The following PDE8B variants were observed in gnomAD, a reference collection of about 807,000 sequenced individuals.
The protein encoded by PDE8B is high affinity cAMP-specific and IBMX-insensitive 3',5'-cyclic phosphodiesterase 8B.
In PDE8B, 26 loss-of-function variants were observed where a neutral mutation model predicts 101.3. The observed-to-expected ratio is 0.26, with a 90% CI of 0.19 to 0.36. The LOEUF is 0.36. Ranked by LOEUF, PDE8B falls within the 10% of genes least tolerant of loss-of-function variation. PDE8B has a pLI of 1.00. For missense variants in PDE8B, 810 were observed against 1,163.1 expected (o/e 0.70, Z 4.42); for synonymous variants, 424 against 429.3 (o/e 0.99, Z 0.15).
intron 14 of PDE8B, chr5:77,410,486 A>G (rs1239908009): frequency 6.6e-6 from 1 of 152,170 alleles, no homozygotes; most frequent in Non-Finnish European, 1.5e-5. Flanking sequence ...CTAGTCCTCA[A>G]TTTGGCCCCA....
chr5:77,421,486 C>A (rs565504780), intron 19 of PDE8B, among the ~76,000 whole-genome samples: 1 of 152,126 alleles, frequency 6.6e-6, no homozygotes, highest in African/African-American at 2.4e-5. Context: ...GATTACATAT[C>A]AAATTGCTCA....
intron 3 of PDE8B, 149 bp downstream of exon 3, chr5:77,325,878 C>G: frequency 1.5e-6 from 1 of 657,304 alleles, no homozygotes; most frequent in Non-Finnish European, 2.7e-6. Context: ...GTGGTGAAAG[C>G]TATAGCTCCT....
chr5:77,212,511 G>A (rs1748687700), intron 1 of PDE8B, among the ~76,000 whole-genome samples: 2 of 152,058 alleles, frequency 1.3e-5, no homozygotes, highest in African/African-American at 2.4e-5. Context: ...GCTTGTGGTT[G>A]CAGTGTTTCT....
chr5:77,201,839 A>G, the PDE8B span, among the ~76,000 whole-genome samples: 6 of 152,260 alleles, frequency 3.9e-5, no homozygotes, highest in African/African-American at 1.4e-4. Context: ...AGACTAGGTG[A>G]CTTAAACAAC....
At chr5:77,330,657 A>C (rs1402052498) in intron 4 of PDE8B, among the ~76,000 whole-genome samples, 2 of 152,088 alleles carry the variant, frequency 1.3e-5, no homozygotes, top group Admixed American at 1.3e-4. Flanking sequence ...GTTTCCACCC[A>C]ATCCCTTTTA....
chr5:77,141,777 A>G, the PDE8B span: 2 of 152,236 alleles, frequency 1.3e-5, no homozygotes, highest in South Asian at 2.1e-4. Context: ...AATATTGCTT[A>G]TAATTATGAA....
intron 10 of PDE8B, among the ~76,000 whole-genome samples, chr5:77,359,024 G>A (rs575309128): frequency 6.6e-6 from 1 of 151,964 alleles, no homozygotes; most frequent in South Asian, 2.1e-4. Context: ...TTTTTCCTGA[G>A]AAACCACGTT....
rs950181419 is a variant in PDE8B, at chr5:77,329,149, T to G, written c.650+92T>G. On this transcript the variant is annotated intron_variant, in intron 4 of 21. Transcript: ENST00000264917. ...TCTGGTTTTTGAGCTATCTAAGCAATGGGTGTGTCTTGGGTCCTAGAACAC... is the reference window on the plus strand; with the variant it reads ...TCTGGTTTTTGAGCTATCTAAGCAAGGGGTGTGTCTTGGGTCCTAGAACAC... 3.7e-5 allele frequency: 36 copies of G among 966,448 alleles called. No homozygotes were observed. In the African/African-American group the frequency reaches 5.4e-4, roughly 15 times the overall value. The allele number at this position is 966,448 out of a possible 1,614,324, so 59.9% of individuals were successfully genotyped here. A position where few individuals can be genotyped will look rare whatever the true frequency, so the allele number is the denominator to read the frequency against.
chr5:77,098,078 A>C, the PDE8B span, among the ~76,000 whole-genome samples: 1 of 152,120 alleles, frequency 6.6e-6, no homozygotes, highest in Non-Finnish European at 1.5e-5. Context: ...GGCCGACTGC[A>C]GGAAGCAGGT....
intron 16 of PDE8B, 143 bp from the exon 17 acceptor site, chr5:77,412,968 T>A (rs1023661674): frequency 2.7e-6 from 2 of 742,980 alleles, no homozygotes; most frequent in East Asian, 5.1e-5. Context: ...TACCTCCTAA[T>A]TTTTAGAGGA....
the PDE8B span, among the ~76,000 whole-genome samples, chr5:77,136,670 G>A: frequency 1.3e-5 from 2 of 152,152 alleles, no homozygotes; most frequent in Admixed American, 6.6e-5. Flanking sequence ...ATATCTGTTA[G>A]AATTCTCTCT....
Position 77,375,035 on chromosome 5 carries a change from A to G in PDE8B, c.1167+21629A>G, listed in dbSNP as rs540381774. Among the ~76,000 whole-genome samples the G allele has an allele frequency of 1.8e-4, 28 of 152,316 alleles. No individual in the cohort carries two copies. The South Asian group carries it at 5.8e-3, about 32-fold the overall frequency. On this transcript the variant is annotated intron_variant, in intron 10 of 21. Coordinates refer to ENST00000264917, the MANE Select transcript of PDE8B (RefSeq NM_003719.5). ...TGCATTGTTAATGTGGATTTTAGAC[A>G]CTGAAACAGTTCCCAGAGGATACAG...
chr5:77,262,203 C>T (rs540072297), intron 1 of PDE8B, among the ~76,000 whole-genome samples: 4 of 150,496 alleles, frequency 2.7e-5, no homozygotes, highest in South Asian at 2.1e-4. Context: ...AAAAAAAAAA[C>T]AGGGCAAAAA....
At chr5:77,107,560 C>T in the PDE8B span, among the ~76,000 whole-genome samples, 11 of 152,084 alleles carry the variant, frequency 7.2e-5, no homozygotes, top group African/African-American at 1.4e-4. Context: ...AGTGCAATAT[C>T]GAATAGAACT....
the PDE8B span, among the ~76,000 whole-genome samples, chr5:77,142,873 A>G: frequency 1.3e-5 from 2 of 152,082 alleles, no homozygotes; most frequent in East Asian, 3.9e-4. Context: ...CTCAGAATTT[A>G]CTCAATGGCA....
intron 1 of PDE8B, among the ~76,000 whole-genome samples, chr5:77,308,081 T>A (rs1771660860): frequency 6.6e-6 from 1 of 152,230 alleles, no homozygotes; most frequent in African/African-American, 2.4e-5. Context: ...TAGACGCCTG[T>A]GTCAGAAGCA....
chr5:77,290,896 T>A (rs1767165687), intron 1 of PDE8B: 6 of 1,604,438 alleles, frequency 3.7e-6, no homozygotes, highest in Non-Finnish European at 5.1e-6. Flanking sequence ...GCCAAGGTTC[T>A]GGAGGACAAC....
chr5:77,407,579 A>AT, intron 13 of PDE8B, 122 bp downstream of exon 13: 3 of 749,408 alleles, frequency 4.0e-6, no homozygotes, highest in Non-Finnish European at 7.2e-6. Flanking sequence ...TAACAGGCAA[A>AT]TAAACACATA....
the PDE8B span, chr5:77,141,215 T>A: frequency 5.9e-5 from 9 of 152,338 alleles, no homozygotes; most frequent in African/African-American, 2.2e-4. Context: ...TTTAACATGC[T>A]ACCTTGAACC....
Sources: gnomAD v4.1 joint callset for allele counts (sites outside exome capture counted in the v4.1 genomes callset) on GRCh38, gnomAD v4.1.1 for gene constraint, MANE v1.5 for transcripts, NCBI Gene and HGNC (gene_info 2026-07-23, HGNC 2026-07-21) for gene names.